FER: variants seen among roughly 807,000 people sequenced by gnomAD.
FER encodes FER tyrosine kinase.
Under a neutral mutation model 111.0 loss-of-function variants are expected in FER, and 63 were observed. That is an observed-to-expected ratio of 0.57 (90% CI 0.46 to 0.70). The LOEUF is 0.70. Among genes scored for constraint, FER ranks in the 30% least tolerant of loss-of-function variants. The pLI is 0.00. For synonymous variants in FER, 327 were observed against 313.9 expected (o/e 1.04, Z -0.44); for missense variants, 914 against 954.0 (o/e 0.96, Z 0.55).
chr5:108,900,813 A>G (rs187732297), intron 10 of FER, among the ~76,000 whole-genome samples: 1 of 152,210 alleles, frequency 6.6e-6, no homozygotes, highest in Non-Finnish European at 1.5e-5. Context: ...GGGGTTGTAT[A>G]GTCAAGTTCT....
At chr5:109,028,593 C>T (rs889126150) in intron 13 of FER, among the ~76,000 whole-genome samples, 1 of 152,172 alleles carries the variant, frequency 6.6e-6, no homozygotes, top group African/African-American at 2.4e-5. Flanking sequence ...TAGCCTGTCT[C>T]TCAGAACCTC....
At chr5:108,939,931 A>G (rs1184864854) in intron 10 of FER, among the ~76,000 whole-genome samples, 1 of 152,118 alleles carries the variant, frequency 6.6e-6, no homozygotes, top group African/African-American at 2.4e-5. Context: ...AACTTTTTAG[A>G]TAAAGTTGGA....
At chr5:109,110,569 A>G (rs1749485270) in intron 17 of FER, among the ~76,000 whole-genome samples, 1 of 152,152 alleles carries the variant, frequency 6.6e-6, no homozygotes. Context: ...TTTAGTCCAC[A>G]TGAGGTGGGG....
chr5:109,020,993 C>T (rs1767847643), intron 13 of FER, among the ~76,000 whole-genome samples: 1 of 151,848 alleles, frequency 6.6e-6, no homozygotes, highest in African/African-American at 2.4e-5. Context: ...AGTTAAGGAA[C>T]CATTTTACCT....
chr5:109,076,058 A>G (rs1333869217), intron 16 of FER, among the ~76,000 whole-genome samples: 2 of 152,084 alleles, frequency 1.3e-5, no homozygotes, highest in Admixed American at 1.3e-4. Context: ...TTATCAGTCT[A>G]TATTTTTCCG....
At chr5:109,016,571 C>G (rs1767157989) in intron 13 of FER, among the ~76,000 whole-genome samples, 1 of 152,004 alleles carries the variant, frequency 6.6e-6, no homozygotes, top group African/African-American at 2.4e-5. Context: ...CCAGCTTTCT[C>G]TTATCACTGA....
At chr5:109,053,226 A>G (rs923542281) in intron 16 of FER, among the ~76,000 whole-genome samples, 3 of 151,930 alleles carry the variant, frequency 2.0e-5, no homozygotes, top group Non-Finnish European at 4.4e-5. Flanking sequence ...TCTACTAAAA[A>G]TAAAATTAGC....
At chr5:108,781,713 C>T (rs929897313) in intron 2 of FER, among the ~76,000 whole-genome samples, 7 of 152,092 alleles carry the variant, frequency 4.6e-5, no homozygotes, top group Admixed American at 2.6e-4. Context: ...GCACTATCCC[C>T]GTCTCCCAAG....
rs146913471 is a variant in FER, at chr5:109,020,129, A to G, written c.1657-17293A>G. On this transcript the variant is annotated intron_variant, in intron 13 of 19. Transcript: ENST00000281092. ...GAAAATTAATTGTATGTACATTGCTAATCTACAGACATTAGAAATATTCTT... is the reference window on the plus strand; with the variant it reads ...GAAAATTAATTGTATGTACATTGCTGATCTACAGACATTAGAAATATTCTT... Among the ~76,000 whole-genome samples the G allele has an allele frequency of 1.2e-4, 19 of 152,094 alleles. No individual in the cohort carries two copies. The East Asian group carries it at 3.5e-3, about 28-fold the overall frequency.
At chr5:108,753,905 T>G (rs1041197863) in intron 1 of FER, among the ~76,000 whole-genome samples, 2 of 152,206 alleles carry the variant, frequency 1.3e-5, no homozygotes, top group Non-Finnish European at 2.9e-5. Context: ...AACAGATTTT[T>G]GTGATCCAAG....
intron 3 of FER, among the ~76,000 whole-genome samples, chr5:108,828,769 C>T (rs900360832): frequency 7.9e-5 from 12 of 152,136 alleles, no homozygotes; most frequent in African/African-American, 2.9e-4. Flanking sequence ...TTAAGGTCTT[C>T]AAGTGGCCGA....
rs78543166 is a variant in FER at position 108,820,188 on chromosome 5, T to A, written c.208-12582T>A. On this transcript the variant is annotated intron_variant, in intron 3 of 19. Coordinates refer to ENST00000281092, the MANE Select transcript of FER (RefSeq NM_005246.4). ...TTAACAGTCCTCTACTAGAGCTGGA[T>A]CAACAAAGGAATCTTCTCTGGACGT... 1.9e-5 allele frequency: 19 copies of A among 985,384 alleles called. No homozygotes were observed. The East Asian group carries it at 1.9e-3, about 100-fold the overall frequency. The allele number at this position is 985,384 out of a possible 1,614,324, so 61.0% of individuals were successfully genotyped here.
rs546655607 is a variant in FER, at chr5:108,958,723, G to C, written c.1534-502G>C. ...CCACTACAGAAAGCAAACTAATACT[G>C]TATCAGCAGATAGAAAATAAATGAT... On this transcript the variant is annotated intron_variant, in intron 12 of 19. Transcript: ENST00000281092. Among the ~76,000 whole-genome samples the C allele has an allele frequency of 2.0e-5, 3 of 151,882 alleles. No homozygotes were observed. In the South Asian group the frequency reaches 6.2e-4, roughly 31 times the overall value.
chr5:109,026,239 TA>T (rs1768718468), intron 13 of FER, among the ~76,000 whole-genome samples: 1 of 152,208 alleles, frequency 6.6e-6, no homozygotes, highest in Non-Finnish European at 1.5e-5. Flanking sequence ...CTATTTTATG[TA>T]GCTTGCAAAT....
At chr5:109,003,908 G>T (rs1379135757) in intron 13 of FER, among the ~76,000 whole-genome samples, 4 of 152,120 alleles carry the variant, frequency 2.6e-5, no homozygotes, top group Non-Finnish European at 4.4e-5. Flanking sequence ...TAAGCCCAGG[G>T]GGTTGAGGCT....
At chr5:109,099,393 G>A (rs1049055603) in intron 16 of FER, among the ~76,000 whole-genome samples, 1 of 151,314 alleles carries the variant, frequency 6.6e-6, no homozygotes, top group Non-Finnish European at 1.5e-5. Context: ...TACTGATATT[G>A]ATTCAGTAAT....
At chr5:109,069,596 G>A (rs1477501835) in intron 16 of FER, among the ~76,000 whole-genome samples, 2 of 152,094 alleles carry the variant, frequency 1.3e-5, no homozygotes, top group Non-Finnish European at 2.9e-5. Context: ...AATAATTGAG[G>A]TGGGAAATGA....
At chr5:108,934,646 A>G (rs576535559) in intron 10 of FER, among the ~76,000 whole-genome samples, 1 of 152,298 alleles carries the variant, frequency 6.6e-6, no homozygotes, top group Non-Finnish European at 1.5e-5. Flanking sequence ...CTAGCGAAGC[A>G]AATAAAAAGT....
intron 1 of FER, among the ~76,000 whole-genome samples, chr5:108,754,227 A>C (rs998319046): frequency 1.3e-5 from 2 of 152,062 alleles, no homozygotes; most frequent in East Asian, 1.9e-4. Flanking sequence ...CCTGGGTAAC[A>C]TAACGAGACG....
Sources: allele counts gnomAD v4.1 joint callset (sites outside exome capture counted in the v4.1 genomes callset), GRCh38; gene constraint gnomAD v4.1.1; transcripts MANE v1.5; gene names NCBI Gene and HGNC (gene_info 2026-07-23, HGNC 2026-07-21).